Variants in DPP9 observed in about 807,000 individuals in gnomAD.
DPP9 encodes the protein dipeptidyl peptidase 9.
A neutral mutation model predicts 110.7 loss-of-function variants in DPP9; 50 were observed. That is an observed-to-expected ratio of 0.45 (90% CI 0.36 to 0.57). The LOEUF (loss-of-function observed/expected upper bound fraction) is 0.57. Ranked by LOEUF, DPP9 falls within the 20% of genes least tolerant of loss-of-function variation. The probability of loss-of-function intolerance (pLI) is 0.00; values close to 1 mark genes in which losing one functional copy is unlikely to be tolerated. For synonymous variants in DPP9, 561 were observed against 514.4 expected (o/e 1.09, Z -1.23); for missense variants, 1,022 against 1,217.9 (o/e 0.84, Z 2.39).
At chr19:4,683,375 G>A (rs542149540) in intron 19 of DPP9, 102 bp downstream of exon 19, 16 of 1,546,352 alleles carry the variant, frequency 1.0e-5, no homozygotes, top group African/African-American at 8.1e-5. Context: ...GCGCCTCCCC[G>A]GTAGGTGGGC....
intron 1 of DPP9, 80 bp from the exon 2 acceptor site, chr19:4,722,631 C>A (rs559181200): frequency 2.9e-6 from 2 of 697,588 alleles, no homozygotes; most frequent in South Asian, 1.5e-5. Flanking sequence ...CACTCAGGAG[C>A]TGCAGACTGT....
At chr19:4,696,091 A>G (rs113439332) in intron 11 of DPP9, among the ~76,000 whole-genome samples, 20,518 of 151,882 alleles carry the variant, frequency 0.14, 3,357 homozygotes, top group African/African-American at 0.39. Flanking sequence ...AGTAGAGACA[A>G]GGTTTCATCA....
At chr19:4,715,048 A>G (rs1464076239) in intron 3 of DPP9, among the ~76,000 whole-genome samples, 3 of 39,462 alleles carry the variant, frequency 7.6e-5, no homozygotes, top group Non-Finnish European at 1.1e-4. Context: ...TTTTTTTTGG[A>G]GACAGAGTCT....
At position 4,690,804 on chromosome 19, in the gene DPP9, CGTGTGT is replaced by C. The variant is rs909836246; in HGVS notation, c.1596+68_1596+73del. On this transcript the variant is annotated intron_variant, in intron 14 of 21. Coordinates refer to ENST00000262960, the MANE Select transcript of DPP9 (RefSeq NM_139159.5). ...GAGTGTATGTGTGTGTATGCGCGTG[CGTGTGT>C]GTGTGAGTGTATGTGTGTAAAACAC... 14 of 1,136,570 alleles carry C rather than the reference CGTGTGT, an allele frequency of 1.2e-5. No individual in the cohort carries two copies. The African/African-American group carries it at 1.5e-4, about 12-fold the overall frequency. 70.4% of individuals were successfully genotyped at this position (1,136,570 alleles called of 1,614,324 possible). A position where few individuals can be genotyped will look rare whatever the true frequency, so the allele number is the denominator to read the frequency against.
rs546339272 is a variant in DPP9, at chr19:4,684,288, G to T, written c.2178+375C>A. On this transcript the variant is annotated intron_variant, in intron 18 of 21. Coordinates refer to ENST00000262960, the MANE Select transcript of DPP9 (RefSeq NM_139159.5). The surrounding 1 kb of genome is among the most constrained non-coding windows in gnomAD (Gnocchi z 4.8). ...GTGGGAACAGAGAGCAGCCCTCCCC[G>T]ACACAGCCCTGCCTTGGCCTTGGAC... 1 of 289,350 alleles carries T rather than the reference G, an allele frequency of 3.5e-6. No homozygotes were observed. The highest frequency in any genetic ancestry group is 3.7e-5 in the South Asian group (1 of 27,164). 17.9% of individuals were successfully genotyped at this position (289,350 alleles called of 1,614,324 possible). A position where few individuals can be genotyped will look rare whatever the true frequency, so the allele number is the denominator to read the frequency against.
At chr19:4,711,843 G>A (rs1178838075) in intron 4 of DPP9, among the ~76,000 whole-genome samples, 1 of 151,354 alleles carries the variant, frequency 6.6e-6, no homozygotes, top group East Asian at 1.9e-4. Flanking sequence ...AAGAGGAGGA[G>A]GAGGAAGCTG....
At chr19:4,691,670 CTTTTTTT>C (rs1006998596) in intron 13 of DPP9, among the ~76,000 whole-genome samples, 4 of 95,090 alleles carry the variant, frequency 4.2e-5, no homozygotes, top group Non-Finnish European at 6.2e-5. Context: ...TAAAACCAGA[CTTTTTTT>C]TTTTTTTTTT....
rs982661823 is a variant in DPP9, at chr19:4,719,953, T to C, written c.-35-12A>G. The C allele has an allele frequency of 1.2e-5, 18 of 1,549,972 alleles. No homozygotes were observed. The African/African-American group carries it at 2.2e-4, about 19-fold the overall frequency. On this transcript the variant is annotated splice_polypyrimidine_tract_variant and intron_variant, in intron 2 of 21. Coordinates refer to ENST00000262960, the MANE Select transcript of DPP9 (RefSeq NM_139159.5). ...GAGGGCAGGGGTGCCTGCGGGCAAG[T>C]GGGAGGAGAGATCAAAGGGCTGCAA... is the stretch of plus-strand genomic sequence containing the variant.
In DPP9 at chr19:4,722,420, C is replaced by T. The variant is rs527547059; in HGVS notation, c.-36+79G>A. ...ATAGAAAACCATTTCCTGCCCATGT[C>T]TATATTCTAGAGCAGGCAAAGGAAT... On this transcript the variant is annotated intron_variant, in intron 2 of 21. Coordinates refer to ENST00000262960, the MANE Select transcript of DPP9 (RefSeq NM_139159.5). 24 of 683,722 alleles carry T rather than the reference C, an allele frequency of 3.5e-5. No individual in the cohort carries two copies. In the Admixed American group the frequency reaches 3.9e-4, roughly 11 times the overall value. 42.4% of individuals were successfully genotyped at this position (683,722 alleles called of 1,614,324 possible).
In DPP9 at chr19:4,722,231, C is replaced by T. The variant is rs1308907044; in HGVS notation, c.-36+268G>A. ...GTGTAGGTGGATCCAGGCACCCCTCCACCAAATCCTGCTGAAATCAGCACT... is the reference window on the plus strand; with the variant it reads ...GTGTAGGTGGATCCAGGCACCCCTCTACCAAATCCTGCTGAAATCAGCACT... On this transcript the variant is annotated intron_variant, in intron 2 of 21. Coordinates refer to ENST00000262960, the MANE Select transcript of DPP9 (RefSeq NM_139159.5). 7 of 455,420 alleles carry T rather than the reference C, an allele frequency of 1.5e-5. No individual in the cohort carries two copies. The East Asian group carries it at 1.9e-4, about 12-fold the overall frequency. The allele number at this position is 455,420 out of a possible 1,614,324, so 28.2% of individuals were successfully genotyped here.
intron 11 of DPP9, 131 bp downstream of exon 11, chr19:4,697,420 G>C: frequency 1.4e-6 from 1 of 722,230 alleles, no homozygotes. Context: ...GGCCTGTCCT[G>C]GCGGTTGCAC....
In DPP9 at chr19:4,701,888, A is replaced by G. The variant is rs1339081931; in HGVS notation, c.1012+139T>C. 3.0e-5 allele frequency: 37 copies of G among 1,248,092 alleles called. 1 individual carries two copies. Among genetic ancestry groups the G allele is most frequent in the African/African-American group, 7.5e-5 (5 of 66,298 alleles). The allele number at this position is 1,248,092 out of a possible 1,614,324, so 77.3% of individuals were successfully genotyped here. A position where few individuals can be genotyped will look rare whatever the true frequency, so the allele number is the denominator to read the frequency against. ...AAAGGGGCGGCCCCTGCAGGGCAGA[A>G]GCCTTCCTTCTACACCCCCATAGAT... On this transcript the variant is annotated intron_variant, in intron 9 of 21. Transcript: ENST00000262960.
intron 21 of DPP9, among the ~76,000 whole-genome samples, chr19:4,678,366 G>C (rs928372514): frequency 6.6e-6 from 1 of 152,224 alleles, no homozygotes; most frequent in Admixed American, 6.5e-5. Flanking sequence ...ACCCGCCTCA[G>C]CCTCCCAAAG....
At chr19:4,716,584 C>T (rs1254934286) in intron 3 of DPP9, among the ~76,000 whole-genome samples, 1 of 151,882 alleles carries the variant, frequency 6.6e-6, no homozygotes, top group African/African-American at 2.4e-5. Context: ...TTGCAGTGAG[C>T]CGAGATCGTG....
In DPP9 at chr19:4,704,783, G is replaced by A. The variant is rs568678260; in HGVS notation, c.427-479C>T. The stretch of plus-strand genomic sequence containing the variant: ...TGGGAGGCCGAGGTGGGCAGATCAC[G>A]AGGTCAGAAATTCGAGACCAGCCTG... On this transcript the variant is annotated intron_variant, in intron 5 of 21. Transcript: ENST00000262960. This position sits in a 1 kb window ranked among gnomAD's most constrained non-coding sequence, Gnocchi z 6.0. Among the ~76,000 whole-genome samples the A allele has an allele frequency of 5.3e-4, 81 of 152,244 alleles. No individual in the cohort carries two copies. Among genetic ancestry groups the A allele is most frequent in the African/African-American group, 1.7e-3 (71 of 41,546 alleles).
At chr19:4,715,011 T>C (rs2093010701) in intron 3 of DPP9, among the ~76,000 whole-genome samples, 1 of 140,664 alleles carries the variant, frequency 7.1e-6, no homozygotes, top group African/African-American at 2.6e-5. Flanking sequence ...TATGTTTATA[T>C]ATATATACTT....
At position 4,685,829 on chromosome 19, in the gene DPP9, CTTG is replaced by C; in HGVS notation, c.1886-61_1886-59del. The C allele has an allele frequency of 6.3e-7, 1 of 1,583,236 alleles. No homozygotes were observed. Among genetic ancestry groups the C allele is most frequent in the Non-Finnish European group, 8.6e-7 (1 of 1,164,972 alleles). ...GGGGAAGCCACATCCAGCTGACACC[CTTG>C]TTCTCCTGCCCACCCCAAGCCTTGG... On this transcript the variant is annotated intron_variant, in intron 16 of 21. Transcript: ENST00000262960. The surrounding 1 kb of genome is among the most constrained non-coding windows in gnomAD (Gnocchi z 5.8).
At position 4,682,904 on chromosome 19, in the gene DPP9, C is replaced by G. The variant is rs776021032; in HGVS notation, c.2332-66G>C. On this transcript the variant is annotated intron_variant, in intron 19 of 21. Transcript: ENST00000262960. This position sits in a 1 kb window ranked among gnomAD's most constrained non-coding sequence, Gnocchi z 7.1. ...AGAAACAGGCGTCGGGTCCTACAGC[C>G]AGCATCAGCCGCTGTCCCGGGGCCG... The G allele has an allele frequency of 6.8e-5, 105 of 1,541,754 alleles. No individual in the cohort carries two copies. Among genetic ancestry groups the G allele is most frequent in the Non-Finnish European group, 9.0e-5 (103 of 1,146,916 alleles).
At chr19:4,680,380 G>T (rs542903855) in intron 20 of DPP9, among the ~76,000 whole-genome samples, 10 of 151,796 alleles carry the variant, frequency 6.6e-5, no homozygotes, top group Non-Finnish European at 1.5e-4. Flanking sequence ...ACTCCAGCCT[G>T]GGTGACAGAG....
Sources: gnomAD v4.1 joint callset for allele counts (sites outside exome capture counted in the v4.1 genomes callset) on GRCh38, gnomAD v4.1.1 for gene constraint, Gnocchi (gnomAD v3.1) non-coding constraint, MANE v1.5 for transcripts, NCBI Gene and HGNC (gene_info 2026-07-23, HGNC 2026-07-21) for gene names.